The following CNTN5 variants were observed in gnomAD, a reference collection of about 807,000 sequenced individuals.
CNTN5 encodes the protein contactin-5.
Under a neutral mutation model 129.1 loss-of-function variants are expected in CNTN5, and 77 were observed. The observed-to-expected ratio is 0.60, with a 90% CI of 0.50 to 0.72. The LOEUF (loss-of-function observed/expected upper bound fraction) is 0.72, where lower values mean the gene tolerates loss of function less well. Ranked by LOEUF, CNTN5 falls within the 30% of genes least tolerant of loss-of-function variation. CNTN5 has a pLI of 0.00. For synonymous variants in CNTN5, 509 were observed against 465.6 expected, an observed-to-expected ratio of 1.09 and a Z score of -1.20; for missense variants, 1,478 against 1,328.8, an observed-to-expected ratio of 1.11 and a Z score of -1.75.
At chr11:99,316,452 C>T (rs1204669957) in intron 1 of CNTN5, among the ~76,000 whole-genome samples, 1 of 152,042 alleles carries the variant, frequency 6.6e-6, no homozygotes, top group East Asian at 1.9e-4. Flanking sequence ...ATTTCAATGA[C>T]AATTTTTTTC....
chr11:99,777,466 T>C (rs1945164363), intron 3 of CNTN5, among the ~76,000 whole-genome samples: 1 of 151,912 alleles, frequency 6.6e-6, no homozygotes, highest in Admixed American at 6.6e-5. Flanking sequence ...GCTAACACAA[T>C]GTCTCAATTT....
intron 18 of CNTN5, among the ~76,000 whole-genome samples, chr11:100,290,286 C>A (rs972674875): frequency 2.6e-5 from 4 of 152,126 alleles, no homozygotes; most frequent in Non-Finnish European, 5.9e-5. Context: ...CAAAAAAGAG[C>A]CTGCATTGCT....
intron 13 of CNTN5, among the ~76,000 whole-genome samples, chr11:100,150,019 A>C (rs1368633365): frequency 1.3e-5 from 2 of 152,174 alleles, no homozygotes; most frequent in Non-Finnish European, 2.9e-5. Context: ...TACCAATATA[A>C]ACAGGAGAAA....
intron 18 of CNTN5, among the ~76,000 whole-genome samples, chr11:100,296,399 C>A (rs945625915): frequency 4.0e-5 from 6 of 151,472 alleles, no homozygotes; most frequent in Admixed American, 1.3e-4. Flanking sequence ...AAAAGGGTAT[C>A]CAATTCCATG....
chr11:99,909,641 A>G (rs1029912999), intron 6 of CNTN5, among the ~76,000 whole-genome samples: 18 of 152,134 alleles, frequency 1.2e-4, no homozygotes, highest in African/African-American at 2.9e-4. Context: ...CATAAAAAGT[A>G]TGAGTTCATG....
chr11:99,716,382 A>G (rs605521), intron 3 of CNTN5, among the ~76,000 whole-genome samples: 25,096 of 152,036 alleles, frequency 0.17, 2,688 homozygotes, highest in Middle Eastern at 0.3. Context: ...GGCTTCAATA[A>G]TATTCTAGCT....
intron 7 of CNTN5, 109 bp from the exon 8 acceptor site, chr11:99,956,697 G>C (rs767715451): frequency 1.4e-6 from 1 of 702,164 alleles, no homozygotes; most frequent in East Asian, 2.7e-5. Flanking sequence ...GATCAAATAT[G>C]TATGACCTTG....
At chr11:99,804,398 A>T (rs1946205197) in intron 3 of CNTN5, among the ~76,000 whole-genome samples, 1 of 152,038 alleles carries the variant, frequency 6.6e-6, no homozygotes, top group South Asian at 2.1e-4. Context: ...TCTTTTAAAA[A>T]ATTAGATTTT....
chr11:100,333,867 A>G (rs866856133), intron 21 of CNTN5, among the ~76,000 whole-genome samples: 6 of 152,274 alleles, frequency 3.9e-5, no homozygotes, highest in African/African-American at 1.4e-4. Flanking sequence ...TCTAGACATC[A>G]GCTTAGGCAA....
intron 3 of CNTN5, among the ~76,000 whole-genome samples, chr11:99,818,383 G>A (rs958937425): frequency 6.6e-6 from 1 of 152,120 alleles, no homozygotes; most frequent in South Asian, 2.1e-4. Flanking sequence ...AGCTTCCCCA[G>A]TAACTGGAGC....
chr11:100,253,376 A>T (rs1199443487), intron 16 of CNTN5, among the ~76,000 whole-genome samples: 1 of 152,154 alleles, frequency 6.6e-6, no homozygotes, highest in African/African-American at 2.4e-5. Context: ...AAAACTTAAC[A>T]TATAATAAGG....
intron 2 of CNTN5, among the ~76,000 whole-genome samples, chr11:99,509,779 C>T (rs1946765908): frequency 6.6e-6 from 1 of 151,658 alleles, no homozygotes; most frequent in Non-Finnish European, 1.5e-5. Context: ...GGGGTAATTT[C>T]CTTAATACAT....
chr11:100,070,702 G>A, intron 11 of CNTN5, 142 bp downstream of exon 11: 1 of 624,832 alleles, frequency 1.6e-6, no homozygotes, highest in Non-Finnish European at 2.7e-6. Context: ...AAGGATGAAT[G>A]TTACGGGGAT....
chr11:99,404,953 G>T (rs1479430966), intron 2 of CNTN5, among the ~76,000 whole-genome samples: 2 of 152,036 alleles, frequency 1.3e-5, no homozygotes, highest in African/African-American at 4.8e-5. Flanking sequence ...AAGCCTTTAT[G>T]TCTCTCTCAT....
intron 13 of CNTN5, among the ~76,000 whole-genome samples, chr11:100,102,605 G>C (rs1945267950): frequency 6.6e-6 from 1 of 151,984 alleles, no homozygotes; most frequent in African/African-American, 2.4e-5. Flanking sequence ...GTAAAAAGTG[G>C]TCAAAAACTG....
rs192340938 is a variant in CNTN5 at position 99,942,989 on chromosome 11, A to G, written c.674-13817A>G. Among the ~76,000 whole-genome samples, 298 of 152,114 alleles carry G rather than the reference A, an allele frequency of 2.0e-3. 2 individuals carry two copies. The highest frequency in any genetic ancestry group is 7.0e-3 in the African/African-American group (292 of 41,522). On this transcript the variant is annotated intron_variant, in intron 7 of 24. Coordinates refer to ENST00000524871, the MANE Select transcript of CNTN5 (RefSeq NM_014361.4). ...GTTGGTTCCAAGTCTTTGCTATTGT[A>G]AACAGTGCTCCAATAAACATACATG...
intron 3 of CNTN5, among the ~76,000 whole-genome samples, chr11:99,573,648 T>C (rs1949252650): frequency 6.6e-6 from 1 of 152,020 alleles, no homozygotes; most frequent in Non-Finnish European, 1.5e-5. Context: ...TTTTTTCTAT[T>C]GAGACGGAGT....
intron 13 of CNTN5, among the ~76,000 whole-genome samples, chr11:100,150,583 C>G (rs960966585): frequency 5.3e-5 from 8 of 151,106 alleles, no homozygotes; most frequent in Non-Finnish European, 8.8e-5. Context: ...GCCTTTTTTT[C>G]CCTCTCAAAA....
At chr11:99,794,772 G>T (rs1591194711) in intron 3 of CNTN5, among the ~76,000 whole-genome samples, 1 of 152,108 alleles carries the variant, frequency 6.6e-6, no homozygotes, top group East Asian at 1.9e-4. Flanking sequence ...TGGCTTGTAT[G>T]GTTTCTGTGG....
Sources: allele counts gnomAD v4.1 joint callset (sites outside exome capture counted in the v4.1 genomes callset), GRCh38; gene constraint gnomAD v4.1.1; transcripts MANE v1.5; gene names NCBI Gene and HGNC (gene_info 2026-07-23, HGNC 2026-07-21).